Variants in HNRNPA1L2 observed in about 807,000 individuals in gnomAD.
HNRNPA1L2 encodes heterogeneous nuclear ribonucleoprotein A1-like 2.
Under a neutral mutation model 18.2 loss-of-function variants are expected in HNRNPA1L2, and 10 were observed. That is an observed-to-expected ratio of 0.55 (90% CI 0.34 to 0.93). The LOEUF (loss-of-function observed/expected upper bound fraction) is 0.93, where lower values mean the gene tolerates loss of function less well. HNRNPA1L2 is among the 40% of genes least tolerant of loss of function. HNRNPA1L2 has a pLI of 0.02. For missense variants in HNRNPA1L2, 308 were observed against 394.4 expected (o/e 0.78, Z 1.85); for synonymous variants, 124 against 138.6 (o/e 0.89, Z 0.74).
chr13:52,635,683 T>G, the HNRNPA1L2 span, among the ~76,000 whole-genome samples: 3 of 151,844 alleles, frequency 2.0e-5, no homozygotes, highest in Non-Finnish European at 2.9e-5. Context: ...TCTCTTAGAA[T>G]TGTACATAAA....
chr13:52,619,567 C>T, the HNRNPA1L2 span, among the ~76,000 whole-genome samples: 1 of 152,122 alleles, frequency 6.6e-6, no homozygotes, highest in Non-Finnish European at 1.5e-5. Context: ...TCCGCCTCGG[C>T]CTCCCAAAAT....
At chr13:52,621,399 A>G in the HNRNPA1L2 span, among the ~76,000 whole-genome samples, 2 of 146,956 alleles carry the variant, frequency 1.4e-5, no homozygotes, top group Admixed American at 1.4e-4. Context: ...TTTTAAAGTA[A>G]TCTTTTTGAT....
At chr13:52,629,656 AAGTG>A in the HNRNPA1L2 span, among the ~76,000 whole-genome samples, 1,135 of 152,328 alleles carry the variant, frequency 7.5e-3, 9 homozygotes, top group African/African-American at 0.022. Flanking sequence ...AATTCTGAAC[AAGTG>A]AGTATTTTGT....
In HNRNPA1L2 at chr13:52,642,593, T is replaced by C. The variant is rs55734001; in HGVS notation, c.101T>C (p.Phe34Ser). The C allele has an allele frequency of 8.1e-6, 13 of 1,611,882 alleles. No individual in the cohort carries two copies. The highest frequency in any genetic ancestry group is 8.0e-5 in the African/African-American group (6 of 74,846). The change falls in exon 1 of 1, where the codon TTT (phenylalanine) becomes TCT (serine). Residue 34 changes from phenylalanine (F) to serine (S), a missense_variant. Transcript: ENST00000357495. The stretch of plus-strand genomic sequence containing the variant: ...ACTGATGAGAGCCTGAGGAGCCATT[T>C]TGAGCAATGGGGAACGCTCACAGAC... ...ETTDESLRSH[F>S]EQWGTLTDCV...
the HNRNPA1L2 span, among the ~76,000 whole-genome samples, chr13:52,630,341 A>G: frequency 6.6e-6 from 1 of 152,164 alleles, no homozygotes; most frequent in Non-Finnish European, 1.5e-5. Context: ...AAGTGGCACC[A>G]TCTTGGCCCA....
chr13:52,634,999 A>G, the HNRNPA1L2 span, among the ~76,000 whole-genome samples: 2 of 152,260 alleles, frequency 1.3e-5, no homozygotes, highest in South Asian at 4.1e-4. Flanking sequence ...TGGAAAAGAC[A>G]TAGGTCGGTC....
At chr13:52,623,257 A>G in the HNRNPA1L2 span, among the ~76,000 whole-genome samples, 1 of 152,166 alleles carries the variant, frequency 6.6e-6, no homozygotes. Flanking sequence ...CTTTATTTTA[A>G]TTTAATTAAC....
At chr13:52,632,560 T>A in the HNRNPA1L2 span, 7 of 153,194 alleles carry the variant, frequency 4.6e-5, no homozygotes, top group Non-Finnish European at 8.8e-5. Flanking sequence ...TCCTTAGTGT[T>A]CTGATGGTGT....
chr13:52,635,060 G>A, the HNRNPA1L2 span, among the ~76,000 whole-genome samples: 4 of 152,240 alleles, frequency 2.6e-5, no homozygotes, highest in Admixed American at 6.5e-5. Context: ...TTTCATTGGT[G>A]TGATTGCTCT....
chr13:52,634,012 T>G, the HNRNPA1L2 span, among the ~76,000 whole-genome samples: 1 of 152,348 alleles, frequency 6.6e-6, no homozygotes, highest in East Asian at 1.9e-4. Context: ...TAGGAACTAG[T>G]TATCTTAATC....
At chr13:52,626,956 A>G in the HNRNPA1L2 span, among the ~76,000 whole-genome samples, 8 of 152,030 alleles carry the variant, frequency 5.3e-5, no homozygotes, top group African/African-American at 1.9e-4. Context: ...AACTTCTTTC[A>G]CTTGCTCTAA....
At chr13:52,640,279 C>G (rs1961617141), upstream of HNRNPA1L2, among the ~76,000 whole-genome samples, 1 of 152,160 alleles carries the variant, frequency 6.6e-6, no homozygotes, top group South Asian at 2.1e-4. Context: ...TGGTTACACC[C>G]CATACCTACT....
chr13:52,618,758 TA>T, the HNRNPA1L2 span, among the ~76,000 whole-genome samples: 2 of 152,234 alleles, frequency 1.3e-5, no homozygotes, highest in African/African-American at 4.8e-5. Context: ...GGGGACGTCT[TA>T]AATGTCGTTT....
chr13:52,631,775 G>A, the HNRNPA1L2 span, among the ~76,000 whole-genome samples: 2 of 152,136 alleles, frequency 1.3e-5, no homozygotes, highest in African/African-American at 4.8e-5. Context: ...TATGTAAATT[G>A]ATGCATAAAA....
upstream of HNRNPA1L2, among the ~76,000 whole-genome samples, chr13:52,639,897 T>TTTTTTTTTTTG (rs1451652916): frequency 7.3e-3 from 977 of 133,618 alleles, 19 homozygotes; most frequent in African/African-American, 0.028. Flanking sequence ...TTTTTTTTTG[T>TTTTTTTTTTTG]TTTTTTTTTT....
At chr13:52,625,990 G>A in the HNRNPA1L2 span, among the ~76,000 whole-genome samples, 3 of 151,776 alleles carry the variant, frequency 2.0e-5, no homozygotes, top group African/African-American at 7.3e-5. Context: ...ATCTTGCCCA[G>A]GCTGGTCTTG....
the HNRNPA1L2 span, among the ~76,000 whole-genome samples, chr13:52,624,102 G>A: frequency 3.9e-5 from 6 of 152,186 alleles, no homozygotes; most frequent in African/African-American, 1.4e-4. Flanking sequence ...CCAAGAGGAA[G>A]TTGTATTTTG....
rs1473417837 is a variant in HNRNPA1L2 at position 52,643,235 on chromosome 13, G to C, written c.743G>C (p.Gly248Ala). 4 of 1,596,892 alleles carry C rather than the reference G, an allele frequency of 2.5e-6. No individual in the cohort carries two copies. Among genetic ancestry groups the C allele is most frequent in the Non-Finnish European group, 3.4e-6 (4 of 1,179,208 alleles). The part of the protein sequence containing the change: ...GGSGDGYNGF[G>A]NDGSNFGGGG... ...AGTGGGGATGGCTATAATGGATTTGGTAATGATGGAAGCAATTTTGGAGGT... is the reference window on the plus strand; with the variant it reads ...AGTGGGGATGGCTATAATGGATTTGCTAATGATGGAAGCAATTTTGGAGGT... The change falls in exon 1 of 1, where the codon GGT becomes GCT. Residue 248 changes from glycine to alanine, a missense_variant. Transcript: ENST00000357495.
upstream of HNRNPA1L2, chr13:52,641,002 T>A (rs1179846620): frequency 6.6e-6 from 1 of 152,244 alleles, no homozygotes; most frequent in Admixed American, 6.5e-5. Context: ...TCTACCTTAG[T>A]TTAAGTTACC....
Sources: allele counts gnomAD v4.1 joint callset (sites outside exome capture counted in the v4.1 genomes callset), GRCh38; gene constraint gnomAD v4.1.1; transcripts MANE v1.5; gene names NCBI Gene and HGNC (gene_info 2026-07-23, HGNC 2026-07-21).